The following PTPRN2 variants were observed in gnomAD, a reference collection of about 807,000 sequenced individuals.
PTPRN2 encodes receptor-type tyrosine-protein phosphatase N2.
Under a neutral mutation model 118.8 loss-of-function variants are expected in PTPRN2, and 74 were observed. That is an observed-to-expected ratio of 0.62 (90% CI 0.52 to 0.76). The LOEUF (loss-of-function observed/expected upper bound fraction) is 0.76, where lower values mean the gene tolerates loss of function less well. Ranked by LOEUF, PTPRN2 falls within the 30% of genes least tolerant of loss-of-function variation. The probability of loss-of-function intolerance (pLI) is 0.00; values close to 1 mark genes in which losing one functional copy is unlikely to be tolerated. For missense variants in PTPRN2, 1,481 were observed against 1,394.4 expected (o/e 1.06, Z -0.99); for synonymous variants, 641 against 608.0 (o/e 1.05, Z -0.80).
chr7:158,145,965 T>C (rs1471569079), intron 6 of PTPRN2, among the ~76,000 whole-genome samples: 15 of 152,196 alleles, frequency 9.9e-5, no homozygotes, highest in Admixed American at 9.2e-4. Context: ...TGGTGACAAG[T>C]GAGGCATGGG....
chr7:157,755,150 G>A (rs780642147), intron 12 of PTPRN2, among the ~76,000 whole-genome samples: 19 of 152,170 alleles, frequency 1.2e-4, no homozygotes, highest in East Asian at 1.9e-4. Context: ...CTCCCAAAGC[G>A]CTGGGATTAC....
intron 10 of PTPRN2, among the ~76,000 whole-genome samples, chr7:158,104,301 G>A (rs779601467): frequency 1.8e-4 from 28 of 152,210 alleles, no homozygotes; most frequent in Non-Finnish European, 3.7e-4. Flanking sequence ...ATGGAGGTCA[G>A]GTGAATCTCA....
intron 2 of PTPRN2, among the ~76,000 whole-genome samples, chr7:158,357,884 A>T (rs1808517060): frequency 6.6e-6 from 1 of 152,112 alleles, no homozygotes; most frequent in African/African-American, 2.4e-5. Flanking sequence ...TCCCACCACC[A>T]ACTAGAGGGC....
chr7:158,527,926 CACCT>C (rs3032743), intron 1 of PTPRN2, among the ~76,000 whole-genome samples: 74,794 of 151,616 alleles, frequency 0.49, 18,628 homozygotes, highest in East Asian at 0.68. Context: ...TAGCAGGGAC[CACCT>C]ACCTGTGTTG....
At chr7:158,070,183 G>A (rs1212092455) in intron 11 of PTPRN2, among the ~76,000 whole-genome samples, 1 of 152,212 alleles carries the variant, frequency 6.6e-6, no homozygotes, top group East Asian at 1.9e-4. Context: ...CAAAAGCAGG[G>A]ACTGACCTAG....
chr7:157,709,179 C>T (rs1798476428), intron 12 of PTPRN2, among the ~76,000 whole-genome samples: 1 of 152,194 alleles, frequency 6.6e-6, no homozygotes, highest in East Asian at 1.9e-4. Flanking sequence ...TAGGCTCTCA[C>T]AGGTGGTCAC....
At chr7:157,719,016 G>A (rs926063569) in intron 12 of PTPRN2, among the ~76,000 whole-genome samples, 9 of 151,862 alleles carry the variant, frequency 5.9e-5, no homozygotes, top group African/African-American at 1.5e-4. Flanking sequence ...TCCTGCAGGC[G>A]TCTCTGGCCC....
chr7:157,626,884 A>G (rs895446740), intron 14 of PTPRN2, among the ~76,000 whole-genome samples: 1 of 152,244 alleles, frequency 6.6e-6, no homozygotes, highest in African/African-American at 2.4e-5. Context: ...ATGTTTTACT[A>G]TACATGACCT....
At chr7:158,540,642 C>T (rs1825932023) in intron 1 of PTPRN2, among the ~76,000 whole-genome samples, 1 of 152,228 alleles carries the variant, frequency 6.6e-6, no homozygotes, top group South Asian at 2.1e-4. Flanking sequence ...GACGAGACCA[C>T]AAGGGACCCT....
At chr7:158,041,277 A>G (rs773839276) in intron 11 of PTPRN2, among the ~76,000 whole-genome samples, 9 of 152,240 alleles carry the variant, frequency 5.9e-5, no homozygotes, top group Non-Finnish European at 1.0e-4. Flanking sequence ...ATACAAATGC[A>G]TCATCTGTAT....
chr7:158,273,379 C>T (rs575233502), intron 3 of PTPRN2, among the ~76,000 whole-genome samples: 1 of 146,318 alleles, frequency 6.8e-6, no homozygotes, highest in South Asian at 2.1e-4. Flanking sequence ...AGCCCTGTCC[C>T]AGCGTCGTGG....
rs1228875252 is a variant in PTPRN2 at position 157,550,249 on chromosome 7, G to A, written c.2903-1230C>T. 3.3e-5 allele frequency among the ~76,000 whole-genome samples: 5 copies of A among 152,196 alleles called. No individual in the cohort carries two copies. The highest frequency in any genetic ancestry group is 5.9e-5 in the Non-Finnish European group (4 of 68,030). On this transcript the variant is annotated intron_variant, in intron 21 of 22. Coordinates refer to ENST00000389418, the MANE Select transcript of PTPRN2 (RefSeq NM_002847.5). The surrounding 1 kb of genome is among the most constrained non-coding windows in gnomAD (Gnocchi z 5.2). ...AACTGTGAAGCCAGTGGGGGCTCAG[G>A]CTCCAGGAGGATCATCCCAGCAGGG...
At chr7:157,796,596 G>C (rs530122756) in intron 12 of PTPRN2, among the ~76,000 whole-genome samples, 1 of 152,340 alleles carries the variant, frequency 6.6e-6, no homozygotes, top group Non-Finnish European at 1.5e-5. Flanking sequence ...ATTCTCCATG[G>C]CTACAAAGAA....
At chr7:157,996,921 C>T (rs151216921) in intron 11 of PTPRN2, among the ~76,000 whole-genome samples, 5 of 152,288 alleles carry the variant, frequency 3.3e-5, no homozygotes, top group Admixed American at 2.0e-4. Flanking sequence ...AGGCCCGGGG[C>T]GGGTGTGGGG....
rs532544806 is a variant in PTPRN2 at position 157,624,883 on chromosome 7, GA to G, written c.2197-3375del. Among the ~76,000 whole-genome samples, 356 of 150,436 alleles carry G rather than the reference GA, an allele frequency of 2.4e-3. 1 individual carries two copies. Among genetic ancestry groups the G allele is most frequent in the African/African-American group, 7.8e-3 (319 of 41,016 alleles). ...GACATTTAAGCAAACAAATCAGTAA[GA>G]AAAAAAAACACAATCCTATCAAAAA... On this transcript the variant is annotated intron_variant, in intron 14 of 22. Transcript: ENST00000389418.
rs1798036808 is a variant in PTPRN2, at chr7:157,700,950, C to T, written c.1789-18013G>A. Among the ~76,000 whole-genome samples, 3 of 152,148 alleles carry T rather than the reference C, an allele frequency of 2.0e-5. No individual in the cohort carries two copies. The South Asian group carries it at 6.2e-4, about 31-fold the overall frequency. On this transcript the variant is annotated intron_variant, in intron 12 of 22. Coordinates refer to ENST00000389418, the MANE Select transcript of PTPRN2 (RefSeq NM_002847.5). ...CTTCAGAACATGTGAGTGCTACGGA[C>T]TGCTCATCATTTCACGCATGTGCAC...
intron 11 of PTPRN2, among the ~76,000 whole-genome samples, chr7:157,975,149 C>T (rs1802646451): frequency 6.6e-6 from 1 of 152,148 alleles, no homozygotes. Context: ...CTAGGCCTTT[C>T]TGGGGCCCCC....
chr7:158,264,421 A>G (rs1563057755), intron 3 of PTPRN2, among the ~76,000 whole-genome samples: 1 of 152,056 alleles, frequency 6.6e-6, no homozygotes, highest in Non-Finnish European at 1.5e-5. Flanking sequence ...CGGTCCAAAG[A>G]TCGTGCTGAG....
intron 2 of PTPRN2, among the ~76,000 whole-genome samples, chr7:158,485,842 T>G (rs1309038070): frequency 1.3e-5 from 2 of 152,240 alleles, no homozygotes; most frequent in Admixed American, 1.3e-4. Flanking sequence ...GAGCTTTTTC[T>G]GCTATCCACA....
Sources: gnomAD v4.1 joint callset for allele counts (sites outside exome capture counted in the v4.1 genomes callset) on GRCh38, gnomAD v4.1.1 for gene constraint, Gnocchi (gnomAD v3.1) non-coding constraint, MANE v1.5 for transcripts, NCBI Gene and HGNC (gene_info 2026-07-23, HGNC 2026-07-21) for gene names.